The following KAZN variants were observed in gnomAD, a reference collection of about 807,000 sequenced individuals.
The protein encoded by KAZN is kazrin.
A neutral mutation model predicts 87.4 loss-of-function variants in KAZN; 40 were observed. The ratio of observed to expected loss-of-function variants is 0.46; its 90% CI spans 0.36 to 0.60. The LOEUF (loss-of-function observed/expected upper bound fraction) is 0.60, where lower values mean the gene tolerates loss of function less well. Ranked by LOEUF, KAZN falls within the 20% of genes least tolerant of loss-of-function variation. The pLI, the probability that KAZN is intolerant of heterozygous loss-of-function variation, is 0.00. For synonymous variants in KAZN, 466 were observed against 458.3 expected (o/e 1.02, Z -0.22); for missense variants, 898 against 1,073.9 (o/e 0.84, Z 2.29).
chr1:13,894,412 A>T (rs893547783), intron 1 of KAZN, among the ~76,000 whole-genome samples: 18 of 144,834 alleles, frequency 1.2e-4, no homozygotes, highest in African/African-American at 4.4e-4. Flanking sequence ...AAAAAAAAAA[A>T]GGTGAGGATG....
intron 1 of KAZN, among the ~76,000 whole-genome samples, chr1:14,901,598 G>A (rs1655916571): frequency 6.6e-6 from 1 of 152,170 alleles, no homozygotes; most frequent in South Asian, 2.1e-4. Flanking sequence ...GATAATGGCA[G>A]CTCAGACGAG....
chr1:14,620,696 C>T (rs1678628578), intron 1 of KAZN, among the ~76,000 whole-genome samples: 1 of 152,216 alleles, frequency 6.6e-6, no homozygotes, highest in South Asian at 2.1e-4. Flanking sequence ...AAGTAACAGT[C>T]ATGAGCTCAA....
At chr1:14,763,416 C>T (rs1467977590) in intron 1 of KAZN, among the ~76,000 whole-genome samples, 1 of 152,196 alleles carries the variant, frequency 6.6e-6, no homozygotes, top group Non-Finnish European at 1.5e-5. Flanking sequence ...GGCCAGGGCC[C>T]CTGAGGATAA....
At chr1:14,952,317 C>A (rs1662593666) in intron 1 of KAZN, among the ~76,000 whole-genome samples, 1 of 151,134 alleles carries the variant, frequency 6.6e-6, no homozygotes, top group African/African-American at 2.4e-5. Flanking sequence ...CACACAGACC[C>A]CTCGCTATCC....
chr1:14,562,611 T>C (rs1323580739), intron 2 of KAZN, among the ~76,000 whole-genome samples: 1 of 152,198 alleles, frequency 6.6e-6, no homozygotes, highest in Non-Finnish European at 1.5e-5. Flanking sequence ...GCAAAATGTA[T>C]TTCTCTCCAG....
At chr1:14,344,163 C>CTT (rs55837460) in intron 2 of KAZN, among the ~76,000 whole-genome samples, 20,699 of 122,364 alleles carry the variant, frequency 0.17, 1,903 homozygotes, top group East Asian at 0.2. Context: ...TTCATGTATT[C>CTT]TTTTTTTTTT....
chr1:14,431,114 C>G (rs117308444), intron 2 of KAZN, among the ~76,000 whole-genome samples: 1 of 152,092 alleles, frequency 6.6e-6, no homozygotes, highest in South Asian at 2.1e-4. Flanking sequence ...CAAATGAATA[C>G]GCATATTGAA....
intron 1 of KAZN, among the ~76,000 whole-genome samples, chr1:14,797,402 C>T (rs942974850): frequency 1.3e-5 from 2 of 152,066 alleles, no homozygotes; most frequent in Non-Finnish European, 2.9e-5. Flanking sequence ...GTCCAAGAAG[C>T]GCTAACTGGA....
intron 2 of KAZN, among the ~76,000 whole-genome samples, chr1:14,529,457 T>A (rs539327462): frequency 5.3e-5 from 8 of 152,192 alleles, no homozygotes; most frequent in Non-Finnish European, 1.2e-4. Context: ...TGACGTCCAG[T>A]TTCAGATGTT....
chr1:14,285,279 C>T (rs927196413), intron 2 of KAZN, among the ~76,000 whole-genome samples: 1 of 152,176 alleles, frequency 6.6e-6, no homozygotes, highest in East Asian at 1.9e-4. Flanking sequence ...CCATTATTAT[C>T]CTTTTCAGAA....
chr1:14,593,552 T>C (rs576193849), intron 2 of KAZN, among the ~76,000 whole-genome samples: 21 of 152,306 alleles, frequency 1.4e-4, no homozygotes, highest in Admixed American at 7.2e-4. Context: ...ATAAGCAGGA[T>C]TGTTTTGGAA....
At chr1:13,996,527 C>A (rs1639525286) in intron 1 of KAZN, among the ~76,000 whole-genome samples, 2 of 152,176 alleles carry the variant, frequency 1.3e-5, no homozygotes, top group African/African-American at 4.8e-5. Flanking sequence ...GGGAGGGAGG[C>A]TGGATGGCTT....
At chr1:14,135,873 T>C (rs1284210537) in intron 1 of KAZN, among the ~76,000 whole-genome samples, 1 of 152,200 alleles carries the variant, frequency 6.6e-6, no homozygotes, top group Non-Finnish European at 1.5e-5. Flanking sequence ...GGAACTATCC[T>C]CTATAATTTT....
chr1:14,444,302 C>T (rs979195655), intron 2 of KAZN, among the ~76,000 whole-genome samples: 1 of 139,320 alleles, frequency 7.2e-6, no homozygotes, highest in Non-Finnish European at 1.5e-5. Context: ...AAACTAAATT[C>T]ATGATTTTTT....
At chr1:14,685,885 A>G (rs1213944023) in intron 1 of KAZN, among the ~76,000 whole-genome samples, 1 of 152,170 alleles carries the variant, frequency 6.6e-6, no homozygotes, top group African/African-American at 2.4e-5. Context: ...TGTGTATTCA[A>G]TTCCCATAAC....
intron 2 of KAZN, among the ~76,000 whole-genome samples, chr1:14,272,881 T>TA (rs1652060731): frequency 6.6e-6 from 1 of 151,666 alleles, no homozygotes; most frequent in Admixed American, 6.6e-5. Context: ...AAAATAAAAA[T>TA]AAAAATAAAT....
chr1:14,545,813 G>A (rs1479644503), intron 2 of KAZN, among the ~76,000 whole-genome samples: 2 of 152,118 alleles, frequency 1.3e-5, no homozygotes, highest in African/African-American at 2.4e-5. Context: ...AGAAAGTGGT[G>A]AGTCACACTG....
At chr1:14,009,013 T>G (rs1640163534) in intron 1 of KAZN, among the ~76,000 whole-genome samples, 2 of 152,244 alleles carry the variant, frequency 1.3e-5, no homozygotes, top group Non-Finnish European at 2.9e-5. Flanking sequence ...TTTCTGTCTC[T>G]ATGATTTTGG....
At chr1:14,686,213 G>A (rs145933256) in intron 1 of KAZN, among the ~76,000 whole-genome samples, 101 of 152,248 alleles carry the variant, frequency 6.6e-4, no homozygotes, top group African/African-American at 1.4e-3. Flanking sequence ...GACTACAGAC[G>A]TGTACCACAC....
Sources: gnomAD v4.1 joint callset for allele counts (sites outside exome capture counted in the v4.1 genomes callset) on GRCh38, gnomAD v4.1.1 for gene constraint, MANE v1.5 for transcripts, NCBI Gene and HGNC (gene_info 2026-07-23, HGNC 2026-07-21) for gene names.